CTNNA2: variants seen among roughly 807,000 people sequenced by gnomAD.
CTNNA2 encodes the protein catenin alpha 2, also known as catenin alpha-2.
CTNNA2 carries 42 observed loss-of-function variants against 101.0 expected under a neutral mutation model. That is an observed-to-expected ratio of 0.42 (90% CI 0.32 to 0.54). The LOEUF (loss-of-function observed/expected upper bound fraction) is 0.54, where lower values mean the gene tolerates loss of function less well. CTNNA2 is among the 20% of genes least tolerant of loss of function. The pLI, the probability that CTNNA2 is intolerant of heterozygous loss-of-function variation, is 0.14. For missense variants in CTNNA2, 871 were observed against 1,223.1 expected (o/e 0.71, Z 4.29); for synonymous variants, 450 against 456.4 (o/e 0.99, Z 0.18).
chr2:79,407,175 T>C (rs984815296), intron 4 of CTNNA2, among the ~76,000 whole-genome samples: 1 of 152,084 alleles, frequency 6.6e-6, no homozygotes, highest in Non-Finnish European at 1.5e-5. Context: ...TGTTGCCTAA[T>C]GGGAAGAAAT....
chr2:80,010,231 G>A (rs1693676664), intron 7 of CTNNA2, among the ~76,000 whole-genome samples: 1 of 152,076 alleles, frequency 6.6e-6, no homozygotes, highest in Non-Finnish European at 1.5e-5. Flanking sequence ...GCACCTCCCA[G>A]GACACAGGTT....
At chr2:80,098,514 C>A (rs1310869239) in intron 7 of CTNNA2, among the ~76,000 whole-genome samples, 1 of 152,184 alleles carries the variant, frequency 6.6e-6, no homozygotes, top group Non-Finnish European at 1.5e-5. Context: ...GTTGGGAGAA[C>A]CACTACTCTC....
chr2:80,086,901 A>G (rs1699474100), intron 7 of CTNNA2, among the ~76,000 whole-genome samples: 1 of 152,078 alleles, frequency 6.6e-6, no homozygotes, highest in Non-Finnish European at 1.5e-5. Flanking sequence ...GGGAGGCCGC[A>G]GTTACCAGAG....
At chr2:80,187,465 T>G (rs1375292351) in intron 7 of CTNNA2, among the ~76,000 whole-genome samples, 3 of 152,246 alleles carry the variant, frequency 2.0e-5, no homozygotes, top group Non-Finnish European at 2.9e-5. Flanking sequence ...ATAAATCAAC[T>G]ACGTATGTTG....
chr2:80,254,229 T>C (rs1671970932), intron 7 of CTNNA2, among the ~76,000 whole-genome samples: 1 of 152,158 alleles, frequency 6.6e-6, no homozygotes, highest in South Asian at 2.1e-4. Flanking sequence ...GTTTCATCTG[T>C]TTTGACTCTT....
intron 9 of CTNNA2, among the ~76,000 whole-genome samples, chr2:80,521,381 C>G (rs1191530694): frequency 6.6e-6 from 1 of 152,182 alleles, no homozygotes; most frequent in Non-Finnish European, 1.5e-5. Context: ...AATCATTGCT[C>G]CCTGATCCCC....
intron 7 of CTNNA2, among the ~76,000 whole-genome samples, chr2:80,034,127 G>A (rs1558746576): frequency 6.6e-6 from 1 of 151,762 alleles, no homozygotes; most frequent in South Asian, 2.1e-4. Context: ...CCTTCTCTAC[G>A]GGGGAACATG....
At chr2:79,267,516 G>C (rs539387714) in intron 2 of CTNNA2, among the ~76,000 whole-genome samples, 1 of 152,150 alleles carries the variant, frequency 6.6e-6, no homozygotes, top group Non-Finnish European at 1.5e-5. Flanking sequence ...CATCAGGTTA[G>C]TAATTAGGTT....
intron 18 of CTNNA2, among the ~76,000 whole-genome samples, chr2:80,621,313 T>C (rs1671093323): frequency 6.6e-6 from 1 of 151,982 alleles, no homozygotes; most frequent in African/African-American, 2.4e-5. Flanking sequence ...ATACAGTTTT[T>C]ATTTTGTACA....
chr2:80,538,639 A>T (rs918748217), intron 9 of CTNNA2, among the ~76,000 whole-genome samples: 3 of 152,208 alleles, frequency 2.0e-5, no homozygotes, highest in Admixed American at 6.5e-5. Context: ...CTTGTAGTAC[A>T]GTTTGAAGTC....
intron 3 of CTNNA2, among the ~76,000 whole-genome samples, chr2:79,314,356 C>T (rs1221460484): frequency 6.6e-6 from 1 of 152,102 alleles, no homozygotes; most frequent in Non-Finnish European, 1.5e-5. Context: ...TAGAAGTTCT[C>T]GTTATGTTGG....
At chr2:80,295,649 T>G (rs551444065) in intron 7 of CTNNA2, among the ~76,000 whole-genome samples, 5 of 152,346 alleles carry the variant, frequency 3.3e-5, no homozygotes, top group African/African-American at 9.6e-5. Flanking sequence ...AGGGAATACC[T>G]AGAAGAATCC....
chr2:79,909,725 C>T lies in CTNNA2; in HGVS notation c.984C>T (p.Arg328=), dbSNP rs770541229. Residue 328 remains arginine, a synonymous_variant, in exon 7 of 19, where the codon CGC becomes CGT. Coordinates refer to ENST00000402739, the MANE Select transcript of CTNNA2 (RefSeq NM_001282597.3). ...ADSSCTRDDR[R]ERIVAECNAV... ...CCTCCTGCACGCGAGACGACCGGCG[C>T]GAGAGGATCGTGGCGGAGTGCAACG... The T allele has an allele frequency of 3.1e-6, 5 of 1,613,852 alleles. No homozygotes were observed. Among genetic ancestry groups the T allele is most frequent in the Non-Finnish European group, 4.2e-6 (5 of 1,179,880 alleles).
intron 17 of CTNNA2, among the ~76,000 whole-genome samples, chr2:80,610,464 C>T (rs1022821130): frequency 1.3e-5 from 2 of 151,392 alleles, no homozygotes; most frequent in Non-Finnish European, 3.0e-5. Context: ...TCAGAAGAAG[C>T]CATCATAGTT....
chr2:79,676,542 C>G (rs1236791247), intron 2 of CTNNA2, among the ~76,000 whole-genome samples: 1 of 152,118 alleles, frequency 6.6e-6, no homozygotes, highest in African/African-American at 2.4e-5. Flanking sequence ...ATTCCCATGC[C>G]TAGGTGATCG....
intron 2 of CTNNA2, among the ~76,000 whole-genome samples, chr2:79,264,971 T>C (rs1356673242): frequency 6.6e-6 from 1 of 152,192 alleles, no homozygotes; most frequent in East Asian, 1.9e-4. Context: ...CTGGCCCATC[T>C]GCTCTGCTTC....
chr2:79,587,604 G>T (rs575059491), intron 1 of CTNNA2, among the ~76,000 whole-genome samples: 302 of 152,046 alleles, frequency 2.0e-3, no homozygotes, highest in African/African-American at 6.9e-3. Context: ...TGACACACAG[G>T]TGCATAAAAC....
At chr2:79,430,480 G>A (rs1195847997) in intron 4 of CTNNA2, among the ~76,000 whole-genome samples, 1 of 152,076 alleles carries the variant, frequency 6.6e-6, no homozygotes, top group Non-Finnish European at 1.5e-5. Flanking sequence ...GTTGAAGGCA[G>A]AAACTTCCAA....
At chr2:80,494,089 G>T (rs1687260416) in intron 9 of CTNNA2, among the ~76,000 whole-genome samples, 1 of 152,158 alleles carries the variant, frequency 6.6e-6, no homozygotes, top group Non-Finnish European at 1.5e-5. Context: ...GCCCTGATAG[G>T]ACTAGAACAG....
Sources: allele counts gnomAD v4.1 joint callset (sites outside exome capture counted in the v4.1 genomes callset), GRCh38; gene constraint gnomAD v4.1.1; transcripts MANE v1.5; gene names NCBI Gene and HGNC (gene_info 2026-07-23, HGNC 2026-07-21).